The following LRP1B variants were observed in gnomAD, a reference collection of about 807,000 sequenced individuals.
LRP1B encodes low-density lipoprotein receptor-related protein 1B.
A neutral mutation model predicts 556.6 loss-of-function variants in LRP1B; 217 were observed. The ratio of observed to expected loss-of-function variants is 0.39; its 90% CI spans 0.35 to 0.44. The LOEUF is 0.44. Among genes scored for constraint, LRP1B ranks in the 20% least tolerant of loss-of-function variants. The probability of loss-of-function intolerance (pLI) is 1.00; values close to 1 mark genes in which losing one functional copy is unlikely to be tolerated. For synonymous variants in LRP1B, 2,047 were observed against 1,865.8 expected (o/e 1.10, Z -2.50); for missense variants, 5,053 against 5,620.8 (o/e 0.90, Z 3.23).
At chr2:141,937,682 A>T (rs1473833574) in intron 1 of LRP1B, among the ~76,000 whole-genome samples, 1 of 151,636 alleles carries the variant, frequency 6.6e-6, no homozygotes, top group East Asian at 1.9e-4. Flanking sequence ...AAAAAAAGAT[A>T]CTTTTAGTTT....
At chr2:140,900,189 T>A (rs902542140) in intron 23 of LRP1B, among the ~76,000 whole-genome samples, 1 of 152,318 alleles carries the variant, frequency 6.6e-6, no homozygotes, top group Admixed American at 6.5e-5. Flanking sequence ...TGTATTTAAA[T>A]GTTGAATTAT....
intron 53 of LRP1B, among the ~76,000 whole-genome samples, chr2:140,503,496 C>T (rs971723467): frequency 2.0e-5 from 3 of 151,982 alleles, no homozygotes; most frequent in East Asian, 1.9e-4. Context: ...TGAGCTATAA[C>T]GATAATTCTC....
intron 3 of LRP1B, among the ~76,000 whole-genome samples, chr2:141,297,677 C>G (rs953242612): frequency 6.6e-6 from 1 of 152,140 alleles, no homozygotes; most frequent in East Asian, 1.9e-4. Context: ...TTTACTTCAT[C>G]TATCTTAATA....
chr2:140,466,662 C>T lies in LRP1B; in HGVS notation c.9625+8476G>A, dbSNP rs376540909. On this transcript the variant is annotated intron_variant, in intron 60 of 90. Coordinates refer to ENST00000389484, the MANE Select transcript of LRP1B (RefSeq NM_018557.3). Reference sequence around the variant, plus strand: ...TTAACAGTTAAGAGTATAATTTTTTCCAATATGCTGGATAAAATATGTACA... The same window carrying T: ...TTAACAGTTAAGAGTATAATTTTTTTCAATATGCTGGATAAAATATGTACA... Among the ~76,000 whole-genome samples, 241 of 152,148 alleles carry T rather than the reference C, an allele frequency of 1.6e-3. 1 individual carries two copies. The highest frequency in any genetic ancestry group is 5.4e-3 in the African/African-American group (223 of 41,528).
intron 2 of LRP1B, among the ~76,000 whole-genome samples, chr2:141,491,194 C>A (rs552431947): frequency 1.3e-5 from 2 of 152,160 alleles, no homozygotes; most frequent in South Asian, 4.1e-4. Flanking sequence ...GGCTCTCTGA[C>A]TTTTTAAGTG....
At chr2:140,954,536 T>C (rs1275137853) in intron 18 of LRP1B, among the ~76,000 whole-genome samples, 1 of 152,080 alleles carries the variant, frequency 6.6e-6, no homozygotes, top group African/African-American at 2.4e-5. Context: ...AAACTGATGA[T>C]ACTTCATCGG....
chr2:141,051,899 A>G (rs1459437829), intron 10 of LRP1B, among the ~76,000 whole-genome samples: 1 of 151,922 alleles, frequency 6.6e-6, no homozygotes, highest in Non-Finnish European at 1.5e-5. Context: ...TATTTAATGT[A>G]TGTAGGTATT....
chr2:141,378,018 C>T (rs1055446357), intron 3 of LRP1B, among the ~76,000 whole-genome samples: 2 of 152,124 alleles, frequency 1.3e-5, no homozygotes, highest in African/African-American at 2.4e-5. Flanking sequence ...TAATAATGAA[C>T]AACATGTGAC....
intron 1 of LRP1B, among the ~76,000 whole-genome samples, chr2:141,830,772 G>A (rs1426168387): frequency 6.6e-6 from 1 of 151,732 alleles, no homozygotes; most frequent in African/African-American, 2.4e-5. Flanking sequence ...CTGAAAGTTT[G>A]GTGTAACTGA....
chr2:142,055,033 C>T (rs1157135045), intron 1 of LRP1B, among the ~76,000 whole-genome samples: 2 of 152,112 alleles, frequency 1.3e-5, no homozygotes, highest in Non-Finnish European at 2.9e-5. Context: ...TTCATTCCGT[C>T]TTTGCCTCAC....
At chr2:142,017,326 T>C (rs1394166112) in intron 1 of LRP1B, among the ~76,000 whole-genome samples, 1 of 152,188 alleles carries the variant, frequency 6.6e-6, no homozygotes, top group Non-Finnish European at 1.5e-5. Context: ...ATTGTGAATG[T>C]GTTAGTGAGA....
At chr2:140,740,618 C>T (rs1015754266) in intron 35 of LRP1B, among the ~76,000 whole-genome samples, 17 of 152,080 alleles carry the variant, frequency 1.1e-4, no homozygotes, top group African/African-American at 4.1e-4. Flanking sequence ...AGAACTTACT[C>T]ATGTAACCAA....
At chr2:142,099,937 C>A (rs1706512551) in intron 1 of LRP1B, among the ~76,000 whole-genome samples, 1 of 151,776 alleles carries the variant, frequency 6.6e-6, no homozygotes, top group Non-Finnish European at 1.5e-5. Context: ...GGAATAGTAA[C>A]CTGGATTCTA....
intron 3 of LRP1B, among the ~76,000 whole-genome samples, chr2:141,344,552 C>T (rs909802415): frequency 6.6e-6 from 1 of 152,164 alleles, no homozygotes; most frequent in Non-Finnish European, 1.5e-5. Context: ...GTAAATTCTA[C>T]AACCCAAATC....
At position 141,271,635 on chromosome 2, in the gene LRP1B, G is replaced by A. The variant is rs189557526; in HGVS notation, c.344-16994C>T. On this transcript the variant is annotated intron_variant, in intron 3 of 90. Transcript: ENST00000389484. Reference sequence around the variant, plus strand: ...GCCAACCAAGAATCTTATTTCCAGCGAAGCTCTCTTTACAAAATTAGAATT... The same window carrying A: ...GCCAACCAAGAATCTTATTTCCAGCAAAGCTCTCTTTACAAAATTAGAATT... 8.6e-5 allele frequency among the ~76,000 whole-genome samples: 13 copies of A among 151,812 alleles called. No homozygotes were observed. The South Asian group carries it at 1.9e-3, about 22-fold the overall frequency.
At chr2:142,031,236 T>G (rs1478821720) in intron 1 of LRP1B, among the ~76,000 whole-genome samples, 1 of 151,474 alleles carries the variant, frequency 6.6e-6, no homozygotes, top group African/African-American at 2.4e-5. Flanking sequence ...AGATAAACAA[T>G]CAAATCATTG....
At chr2:141,719,961 T>A (rs756863361) in intron 2 of LRP1B, among the ~76,000 whole-genome samples, 7 of 152,108 alleles carry the variant, frequency 4.6e-5, no homozygotes, top group Non-Finnish European at 1.0e-4. Context: ...AATATACCCA[T>A]GCAACAAACC....
intron 7 of LRP1B, among the ~76,000 whole-genome samples, chr2:141,067,406 G>C (rs1699507634): frequency 6.6e-6 from 1 of 151,938 alleles, no homozygotes; most frequent in Non-Finnish European, 1.5e-5. Flanking sequence ...CTTGTTTGGG[G>C]ATTTCACTTT....
intron 1 of LRP1B, among the ~76,000 whole-genome samples, chr2:142,056,749 A>AT (rs1704687009): frequency 6.6e-6 from 1 of 151,432 alleles, no homozygotes; most frequent in Admixed American, 6.6e-5. Context: ...TATTATAATC[A>AT]GCTGTTGTTT....
Sources: allele counts gnomAD v4.1 joint callset (sites outside exome capture counted in the v4.1 genomes callset), GRCh38; gene constraint gnomAD v4.1.1; transcripts MANE v1.5; gene names NCBI Gene and HGNC (gene_info 2026-07-23, HGNC 2026-07-21).